Variants in PTPRQ observed in about 807,000 individuals in gnomAD.
The protein encoded by PTPRQ is protein tyrosine phosphatase receptor type Q.
A neutral mutation model predicts 246.0 loss-of-function variants in PTPRQ; 199 were observed. The observed-to-expected ratio is 0.81, with a 90% CI of 0.72 to 0.91. The LOEUF (loss-of-function observed/expected upper bound fraction) is 0.91, where lower values mean the gene tolerates loss of function less well. Ranked by LOEUF, PTPRQ falls within the 40% of genes least tolerant of loss-of-function variation. The pLI is 0.00. For synonymous variants in PTPRQ, 869 were observed against 853.2 expected (o/e 1.02, Z -0.32); for missense variants, 2,624 against 2,528.4 (o/e 1.04, Z -0.81).
chr12:80,649,116 T>G (rs1900171900), intron 36 of PTPRQ, among the ~76,000 whole-genome samples, 193 bp downstream of exon 36: 1 of 152,130 alleles, frequency 6.6e-6, no homozygotes, highest in African/African-American at 2.4e-5. Flanking sequence ...GGGTGAAGCC[T>G]GCATGTCTGT....
intron 19 of PTPRQ, among the ~76,000 whole-genome samples, chr12:80,539,324 G>A (rs1896079899): frequency 6.6e-6 from 1 of 152,068 alleles, no homozygotes; most frequent in African/African-American, 2.4e-5. Context: ...AGCGATTTGA[G>A]TTCATAGAAA....
intron 25 of PTPRQ, among the ~76,000 whole-genome samples, chr12:80,567,870 G>T (rs536641416): frequency 6.6e-6 from 1 of 152,110 alleles, no homozygotes; most frequent in African/African-American, 2.4e-5. Flanking sequence ...CAACAGCACC[G>T]AATGAGAGTT....
intron 26 of PTPRQ, among the ~76,000 whole-genome samples, chr12:80,594,977 C>A (rs1897921309): frequency 6.6e-6 from 1 of 152,114 alleles, no homozygotes; most frequent in African/African-American, 2.4e-5. Flanking sequence ...TAAAACTATG[C>A]CCATTAGTAA....
intron 33 of PTPRQ, among the ~76,000 whole-genome samples, chr12:80,627,082 A>T (rs1015066270): frequency 1.3e-5 from 2 of 152,006 alleles, no homozygotes; most frequent in African/African-American, 4.8e-5. Flanking sequence ...GACAAATTAT[A>T]CACGTATATA....
chr12:80,474,168 AATGTG>A (rs1893741206), intron 8 of PTPRQ, among the ~76,000 whole-genome samples: 2 of 152,260 alleles, frequency 1.3e-5, no homozygotes, highest in African/African-American at 4.8e-5. Context: ...ATATGAAAAC[AATGTG>A]ATAACTCATT....
intron 42 of PTPRQ, 101 bp from the exon 43 acceptor site, chr12:80,673,058 TAAGAGAAGAA>T: frequency 1.4e-6 from 2 of 1,413,016 alleles, no homozygotes; most frequent in South Asian, 1.6e-5. Context: ...TGCCTCCAAA[TAAGAGAAGAA>T]ACTATTAGAA....
intron 6 of PTPRQ, chr12:80,462,039 A>C (rs7976388): frequency 0.26 from 183,696 of 698,814 alleles, 26,766 homozygotes; most frequent in African/African-American, 0.36. Flanking sequence ...GTGCGCCGTG[A>C]GAGAGCCGAA....
At chr12:80,491,001 A>G (rs1273280674) in intron 9 of PTPRQ, among the ~76,000 whole-genome samples, 5 of 151,978 alleles carry the variant, frequency 3.3e-5, no homozygotes, top group Non-Finnish European at 2.9e-5. Flanking sequence ...TACAAAGCCA[A>G]TGTTCAAATC....
At chr12:80,592,780 C>G (rs986189356) in intron 26 of PTPRQ, among the ~76,000 whole-genome samples, 1 of 152,034 alleles carries the variant, frequency 6.6e-6, no homozygotes, top group African/African-American at 2.4e-5. Context: ...GAGGCTGATG[C>G]GGGCGGATCA....
chr12:80,678,556 C>T (rs952582666), intron 43 of PTPRQ, 46 bp from the exon 44 acceptor site: 6 of 1,497,620 alleles, frequency 4.0e-6, no homozygotes, highest in African/African-American at 1.4e-5. Context: ...CTTTATGAAA[C>T]TCTTCATCAA....
intron 39 of PTPRQ, 102 bp downstream of exon 39, chr12:80,658,163 A>G: frequency 1.5e-6 from 1 of 679,462 alleles, no homozygotes; most frequent in Non-Finnish European, 2.1e-6. Context: ...TACAACTCCT[A>G]TGGATCTTAA....
intron 8 of PTPRQ, among the ~76,000 whole-genome samples, chr12:80,477,787 G>T (rs1321277897): frequency 6.6e-6 from 1 of 152,106 alleles, no homozygotes; most frequent in Admixed American, 6.6e-5. Context: ...CTGGAAAATC[G>T]GGTCACTCCG....
intron 33 of PTPRQ, among the ~76,000 whole-genome samples, chr12:80,628,577 G>A (rs573870072): frequency 9.2e-5 from 14 of 151,966 alleles, no homozygotes; most frequent in South Asian, 4.2e-4. Context: ...CTTCAAACAC[G>A]AACATTTTTA....
At chr12:80,509,704 C>CA (rs1465990872) in intron 16 of PTPRQ, among the ~76,000 whole-genome samples, 1 of 152,056 alleles carries the variant, frequency 6.6e-6, no homozygotes, top group Non-Finnish European at 1.5e-5. Context: ...ACTATTACAG[C>CA]AGAGTTACAA....
At chr12:80,562,477 A>G (rs1210994221) in intron 25 of PTPRQ, among the ~76,000 whole-genome samples, 2 of 152,192 alleles carry the variant, frequency 1.3e-5, no homozygotes, top group Admixed American at 6.5e-5. Flanking sequence ...GCTGAAATAT[A>G]CTATCAAACA....
intron 9 of PTPRQ, among the ~76,000 whole-genome samples, chr12:80,491,971 A>G (rs1276047704): frequency 6.6e-6 from 1 of 151,970 alleles, no homozygotes; most frequent in Non-Finnish European, 1.5e-5. Flanking sequence ...TTGATAAGGA[A>G]TAGAATTTTT....
chr12:80,516,612 A>G (rs1895307431), intron 17 of PTPRQ, among the ~76,000 whole-genome samples: 1 of 152,212 alleles, frequency 6.6e-6, no homozygotes, highest in Non-Finnish European at 1.5e-5. Flanking sequence ...TGGTCAAATA[A>G]TTCCCTCAGT....
chr12:80,536,839 G>A (rs1221411861), intron 19 of PTPRQ, among the ~76,000 whole-genome samples: 5 of 152,016 alleles, frequency 3.3e-5, no homozygotes, highest in Non-Finnish European at 5.9e-5. Context: ...CTTCTTTTAT[G>A]CATTTAAAAA....
chr12:80,642,656 C>G (rs938724468), intron 35 of PTPRQ, among the ~76,000 whole-genome samples: 5 of 152,004 alleles, frequency 3.3e-5, no homozygotes, highest in African/African-American at 1.2e-4. Context: ...CGCGGTGGCT[C>G]ACGCCTGTAA....
Sources: gnomAD v4.1 joint callset for allele counts (sites outside exome capture counted in the v4.1 genomes callset) on GRCh38, gnomAD v4.1.1 for gene constraint, MANE v1.5 for transcripts, NCBI Gene and HGNC (gene_info 2026-07-23, HGNC 2026-07-21) for gene names.